Variants in EIF2AK2 observed in about 807,000 individuals in gnomAD.
The protein encoded by EIF2AK2 is interferon-induced, double-stranded RNA-activated protein kinase.
Under a neutral mutation model 70.5 loss-of-function variants are expected in EIF2AK2, and 40 were observed. The observed-to-expected ratio is 0.57, with a 90% CI of 0.44 to 0.74. The LOEUF (loss-of-function observed/expected upper bound fraction) is 0.74. Among genes scored for constraint, EIF2AK2 ranks in the 30% least tolerant of loss-of-function variants. EIF2AK2 has a pLI of 0.00. For synonymous variants in EIF2AK2, 198 were observed against 220.9 expected, an observed-to-expected ratio of 0.90 and a Z score of 0.92; for missense variants, 555 against 644.3, an observed-to-expected ratio of 0.86 and a Z score of 1.50.
At chr2:37,131,886 A>G (rs189805129) in intron 10 of EIF2AK2, among the ~76,000 whole-genome samples, 1 of 152,316 alleles carries the variant, frequency 6.6e-6, no homozygotes, top group African/African-American at 2.4e-5. Flanking sequence ...AACCCTAGCA[A>G]AAAACACACA....
chr2:37,122,726 A>T, intron 11 of EIF2AK2, 62 bp from the exon 12 acceptor site: 1 of 1,593,094 alleles, frequency 6.3e-7, no homozygotes. Context: ...CAACCACAAA[A>T]CACCTCATGT....
At chr2:37,139,346 G>C (rs1375506841) in intron 6 of EIF2AK2, among the ~76,000 whole-genome samples, 2 of 150,548 alleles carry the variant, frequency 1.3e-5, no homozygotes, top group Admixed American at 6.6e-5. Context: ...CCTGAACTCA[G>C]GAGATCCACC....
rs1673866691 is a variant in EIF2AK2, at chr2:37,103,123, A to G, written c.*4150T>C. 1 of 151,970 alleles carries G rather than the reference A, an allele frequency of 6.6e-6. No individual in the cohort carries two copies. Among genetic ancestry groups the G allele is most frequent in the Non-Finnish European group, 1.5e-5 (1 of 68,002 alleles). The allele number at this position is 151,970 out of a possible 1,614,324, so 9.4% of individuals were successfully genotyped here. The stretch of plus-strand genomic sequence containing the variant: ...TAATTTTGAGGCCAAGAAAATATAT[A>G]CTCACAAATCAAAAGAAGTTGCTAA... On this transcript the variant is annotated 3_prime_UTR_variant, in exon 17 of 17. Transcript: ENST00000233057.
In EIF2AK2 at chr2:37,101,415, C is replaced by G. The variant is rs2148657704; in HGVS notation, c.*5858G>C. The stretch of plus-strand genomic sequence containing the variant: ...TCCAGGCAACAATTATCAATAGCTG[C>G]TAAAACCATCAGGTGAAAGATTGAT... On this transcript the variant is annotated 3_prime_UTR_variant, in exon 17 of 17. Transcript: ENST00000233057. 1 of 152,300 alleles carries G rather than the reference C, an allele frequency of 6.6e-6. No homozygotes were observed. Among genetic ancestry groups the G allele is most frequent in the East Asian group, 1.9e-4 (1 of 5,184 alleles). 9.4% of individuals were successfully genotyped at this position (152,300 alleles called of 1,614,324 possible).
At chr2:37,140,830 T>C (rs1038786085) in intron 5 of EIF2AK2, among the ~76,000 whole-genome samples, 1 of 152,276 alleles carries the variant, frequency 6.6e-6, no homozygotes, top group Non-Finnish European at 1.5e-5. Context: ...CATAGAAGTG[T>C]ATCCTAAAGT....
At chr2:37,121,457 G>T (rs530263521) in intron 12 of EIF2AK2, among the ~76,000 whole-genome samples, 110 of 151,914 alleles carry the variant, frequency 7.2e-4, no homozygotes, top group Non-Finnish European at 1.4e-3. Flanking sequence ...AGCATGAAAG[G>T]CACCTAGAGA....
intron 11 of EIF2AK2, among the ~76,000 whole-genome samples, chr2:37,125,148 G>A (rs913536376): frequency 6.6e-6 from 1 of 152,150 alleles, no homozygotes; most frequent in Middle Eastern, 3.2e-3. Flanking sequence ...GAGAAGCTGA[G>A]ATTACAGGCA....
intron 10 of EIF2AK2, among the ~76,000 whole-genome samples, chr2:37,134,544 C>A (rs1249994810): frequency 1.3e-5 from 2 of 152,166 alleles, no homozygotes; most frequent in Non-Finnish European, 2.9e-5. Context: ...CTAGCGCCCA[C>A]CTTTATCCAT....
intron 10 of EIF2AK2, among the ~76,000 whole-genome samples, chr2:37,129,309 G>C (rs1674858994): frequency 6.6e-6 from 1 of 152,056 alleles, no homozygotes; most frequent in Admixed American, 6.5e-5. Flanking sequence ...GGCAACCCTG[G>C]ACACTGGGAA....
At chr2:37,143,873 C>A (rs190979927) in intron 4 of EIF2AK2, among the ~76,000 whole-genome samples, 1 of 151,984 alleles carries the variant, frequency 6.6e-6, no homozygotes, top group East Asian at 1.9e-4. Flanking sequence ...TGACAGAGTA[C>A]GACCCTGTCT....
intron 12 of EIF2AK2, among the ~76,000 whole-genome samples, chr2:37,120,686 G>T (rs1015167226): frequency 6.7e-6 from 1 of 149,462 alleles, no homozygotes; most frequent in African/African-American, 2.4e-5. Flanking sequence ...AGCTGGGCTG[G>T]GCACGGTGGC....
chr2:37,142,345 C>CTGT (rs1324130450), intron 4 of EIF2AK2, among the ~76,000 whole-genome samples: 1 of 152,104 alleles, frequency 6.6e-6, no homozygotes, highest in African/African-American at 2.4e-5. Context: ...ATTGCCCAGG[C>CTGT]TGTTCTCGAA....
chr2:37,120,018 G>T lies in EIF2AK2; in HGVS notation c.1189C>A (p.Gln397Lys). ...DKVLALELFE[Q>K]ITKGVDYIHS... ...ATATAATCCACCCCTTTTGTTATTT[G>T]TTCAAAGAGTTCCAAAGCCAAAACT... Residue 397 changes from glutamine to lysine, a missense_variant, in exon 13 of 17, where the codon CAA becomes AAA. Around this residue, in one of 3 missense-constraint regions of EIF2AK2, gnomAD observed 299 missense variants for 375.4 expected, o/e 0.80. Coordinates refer to ENST00000233057, the MANE Select transcript of EIF2AK2 (RefSeq NM_001135651.3). 6.5e-7 allele frequency: 1 copy of T among 1,545,546 alleles called. No homozygotes were observed. The highest frequency in any genetic ancestry group is 8.8e-7 in the Non-Finnish European group (1 of 1,141,820).
In EIF2AK2 at chr2:37,122,630, G is replaced by A. The variant is rs1167057700; in HGVS notation, c.943C>T (p.Leu315Phe). ...TAGTGAACAATATTTACATGATCAA[G>A]TTTTGCCAATGCTTTTACTTCACGC... is the stretch of plus-strand genomic sequence containing the variant. ...AEREVKALAKLDHVNIVHYNG... is the reference protein window; with the variant it reads ...AEREVKALAKFDHVNIVHYNG... Residue 315 changes from leucine (L) to phenylalanine (F), a missense_variant, in exon 12 of 17, where the codon CTT (leucine) becomes TTT (phenylalanine). Leu to Phe is a conservative substitution (Grantham distance 22). Transcript: ENST00000233057. The A allele has an allele frequency of 3.1e-6, 5 of 1,613,970 alleles. No individual in the cohort carries two copies. The highest frequency in any genetic ancestry group is 3.4e-6 in the Non-Finnish European group (4 of 1,180,032).
intron 14 of EIF2AK2, among the ~76,000 whole-genome samples, chr2:37,111,334 AAG>A (rs1674136350): frequency 6.6e-6 from 1 of 152,148 alleles, no homozygotes; most frequent in South Asian, 2.1e-4. Context: ...ATTAAAAATA[AAG>A]AGATATATTT....
At chr2:37,111,021 A>T (rs1224121059) in intron 14 of EIF2AK2, among the ~76,000 whole-genome samples, 1 of 152,246 alleles carries the variant, frequency 6.6e-6, no homozygotes, top group Non-Finnish European at 1.5e-5. Context: ...TATCTTGAGG[A>T]TATTATGCTG....
At position 37,141,717 on chromosome 2, in the gene EIF2AK2, A is replaced by G. The variant is rs1039367979; in HGVS notation, c.241-16T>C. On this transcript the variant is annotated splice_polypyrimidine_tract_variant and intron_variant, in intron 4 of 16. Coordinates refer to ENST00000233057, the MANE Select transcript of EIF2AK2 (RefSeq NM_001135651.3). Reference sequence around the variant, plus strand: ...GACTAACTGCCTACAAAGAAAAAAAATTCCTGTTTAATATAAATGACAACA... The same window carrying G: ...GACTAACTGCCTACAAAGAAAAAAAGTTCCTGTTTAATATAAATGACAACA... The G allele has an allele frequency of 6.3e-7, 1 of 1,589,392 alleles. No individual in the cohort carries two copies. The highest frequency in any genetic ancestry group is 2.2e-5 in the East Asian group (1 of 44,630).
chr2:37,109,594 T>G (rs1247779512), intron 14 of EIF2AK2: 3 of 264,102 alleles, frequency 1.1e-5, no homozygotes, highest in African/African-American at 6.7e-5. Flanking sequence ...GCAGTTAAAA[T>G]AGCACCCAGT....
chr2:37,110,527 A>G (rs4648234), intron 14 of EIF2AK2, among the ~76,000 whole-genome samples: 9,041 of 152,262 alleles, frequency 0.059, 308 homozygotes, highest in African/African-American at 0.083. Flanking sequence ...AGCAGCAGGA[A>G]GTTAAAGAGA....
Sources: allele counts gnomAD v4.1 joint callset (sites outside exome capture counted in the v4.1 genomes callset), GRCh38; gene constraint gnomAD v4.1.1; regional missense constraint gnomAD v4.1.1; transcripts MANE v1.5; gene names NCBI Gene and HGNC (gene_info 2026-07-23, HGNC 2026-07-21).